PABPC1L: variants seen among roughly 807,000 people sequenced by gnomAD.
PABPC1L encodes polyadenylate-binding protein 1-like.
In PABPC1L, 31 loss-of-function variants were observed where a neutral mutation model predicts 66.6. The observed-to-expected ratio is 0.47, with a 90% CI of 0.35 to 0.63. The LOEUF (loss-of-function observed/expected upper bound fraction) is 0.63, where lower values mean the gene tolerates loss of function less well. Among genes scored for constraint, PABPC1L ranks in the 20% least tolerant of loss-of-function variants. PABPC1L has a pLI of 0.00. For synonymous variants in PABPC1L, 348 were observed against 335.1 expected (o/e 1.04, Z -0.42); for missense variants, 722 against 848.8 (o/e 0.85, Z 1.86).
chr20:44,938,523 T>A (rs2066919214), intron 13 of PABPC1L, 151 bp from the exon 14 acceptor site: 2 of 890,552 alleles, frequency 2.2e-6, no homozygotes, highest in Non-Finnish European at 3.4e-6. Context: ...CATGGGATCT[T>A]GCAAGCAGTG....
At chr20:44,934,865 C>T (rs1029494823) in intron 10 of PABPC1L, among the ~76,000 whole-genome samples, 2 of 152,054 alleles carry the variant, frequency 1.3e-5, no homozygotes, top group Admixed American at 6.5e-5. Flanking sequence ...GTCAGGAGTT[C>T]GAAACCAGCC....
chr20:44,910,326 G>C lies in PABPC1L; in HGVS notation c.183G>C (p.Gln61His). The C allele has an allele frequency of 6.6e-7, 1 of 1,511,930 alleles. No homozygotes were observed. Among genetic ancestry groups the C allele is most frequent in the Non-Finnish European group, 8.9e-7 (1 of 1,122,510 alleles). 93.7% of individuals were successfully genotyped at this position (1,511,930 alleles called of 1,614,324 possible). The part of the protein sequence containing the change: ...SLGYAYINFQ[Q>H]PADAERALDT... ...GCTACGCCTACATCAACTTCCAGCA[G>C]CCCGCGGACGGTGAGCCCCGGGGAT... Residue 61 changes from glutamine to histidine, a missense_variant, in exon 1 of 15, where the codon CAG becomes CAC. Physicochemically the swap from Gln to His is conservative, Grantham distance 24 (BLOSUM62 0). Coordinates refer to ENST00000217073, the MANE Select transcript of PABPC1L (RefSeq NM_001372179.1).
intron 9 of PABPC1L, chr20:44,932,669 A>T: frequency 1.9e-6 from 1 of 519,890 alleles, no homozygotes; most frequent in East Asian, 3.0e-5. Context: ...ATCACCAAAG[A>T]TGCCTCTGAT....
At chr20:44,924,316 C>T in intron 7 of PABPC1L, 60 bp downstream of exon 7, 1 of 1,288,142 alleles carries the variant, frequency 7.8e-7, no homozygotes, top group Non-Finnish European at 1.1e-6. Context: ...ACCACCATCC[C>T]CCCACAACCC....
intron 5 of PABPC1L, among the ~76,000 whole-genome samples, chr20:44,920,887 A>C (rs2066767931): frequency 6.6e-6 from 1 of 151,952 alleles, no homozygotes; most frequent in Non-Finnish European, 1.5e-5. Flanking sequence ...ATCTCAGCTC[A>C]CTGCAACCTC....
chr20:44,922,571 A>G (rs997930917), intron 6 of PABPC1L, among the ~76,000 whole-genome samples: 12 of 151,964 alleles, frequency 7.9e-5, no homozygotes, highest in Non-Finnish European at 1.8e-4. Flanking sequence ...GGAGTTCATC[A>G]TATTGGTCAG....
At chr20:44,932,753 C>T in intron 9 of PABPC1L, 1 of 494,510 alleles carries the variant, frequency 2.0e-6, no homozygotes, top group South Asian at 3.0e-5. Context: ...AAAGGCCCTC[C>T]TCTGTAAGAG....
intron 12 of PABPC1L, 42 bp downstream of exon 12, chr20:44,936,772 G>A (rs748559414): frequency 3.3e-5 from 51 of 1,563,502 alleles, no homozygotes; most frequent in Non-Finnish European, 3.8e-5. Context: ...GAAGAGGAGG[G>A]CTGCGAGCTG....
At chr20:44,916,069 T>C (rs1771005300) in intron 2 of PABPC1L, among the ~76,000 whole-genome samples, 3 of 152,068 alleles carry the variant, frequency 2.0e-5, no homozygotes, top group Non-Finnish European at 4.4e-5. Context: ...ACTGTGCACA[T>C]ACAGTAGACT....
chr20:44,934,932 G>A (rs1284676159), intron 10 of PABPC1L, among the ~76,000 whole-genome samples: 1 of 152,132 alleles, frequency 6.6e-6, no homozygotes, highest in Admixed American at 6.5e-5. Context: ...GCCGGACGTG[G>A]TGGCATGTGC....
intron 7 of PABPC1L, among the ~76,000 whole-genome samples, chr20:44,928,042 G>A (rs2060631881): frequency 6.6e-6 from 1 of 152,096 alleles, no homozygotes; most frequent in Admixed American, 6.6e-5. Flanking sequence ...ATACTAAAGT[G>A]AAAGCAGTAT....
intron 6 of PABPC1L, 46 bp downstream of exon 6, chr20:44,921,777 C>T: frequency 6.2e-7 from 1 of 1,608,552 alleles, no homozygotes; most frequent in African/African-American, 1.3e-5. Context: ...GTGAGAGCAG[C>T]TGTGTGTCGG....
chr20:44,938,549 C>T, intron 13 of PABPC1L, 125 bp from the exon 14 acceptor site: 1 of 1,131,640 alleles, frequency 8.8e-7, no homozygotes, highest in Non-Finnish European at 1.3e-6. Context: ...TGGGAGGGTT[C>T]CACAGAAACC....
At chr20:44,922,976 C>T (rs970938020) in intron 6 of PABPC1L, among the ~76,000 whole-genome samples, 2 of 152,256 alleles carry the variant, frequency 1.3e-5, no homozygotes, top group African/African-American at 2.4e-5. Context: ...CATACATCCT[C>T]TTGTGTACAT....
Position 44,930,601 on chromosome 20 carries a change from G to A in PABPC1L, c.1114G>A (p.Glu372Lys), listed in dbSNP as rs756904215. The A allele has an allele frequency of 1.9e-6, 3 of 1,614,258 alleles. No homozygotes were observed. The highest frequency in any genetic ancestry group is 8.5e-7 in the Non-Finnish European group (1 of 1,180,050). ...PLYVALAQRK[E>K]ERKAILTNQY... ...CTACGTGGCACTGGCCCAGCGCAAA[G>A]AGGAGCGGAAGGCCATCTTGACCAA... The change falls in exon 8 of 15, where the codon GAG becomes AAG. Residue 372 changes from glutamate to lysine, a missense_variant. Transcript: ENST00000217073.
At chr20:44,921,826 T>C in intron 6 of PABPC1L, 95 bp downstream of exon 6, 1 of 1,560,226 alleles carries the variant, frequency 6.4e-7, no homozygotes, top group Non-Finnish European at 8.7e-7. Context: ...GTGATCCTAC[T>C]TCTGGGCACT....
intron 13 of PABPC1L, 81 bp downstream of exon 13, chr20:44,938,272 G>A: frequency 6.6e-7 from 1 of 1,519,546 alleles, no homozygotes. Flanking sequence ...TGGAGCCAGT[G>A]GATAGCTGTT....
intron 7 of PABPC1L, among the ~76,000 whole-genome samples, chr20:44,925,090 A>G (rs1279327748): frequency 6.9e-6 from 1 of 144,954 alleles, no homozygotes; most frequent in East Asian, 1.9e-4. Flanking sequence ...GCACGTGCCT[A>G]TAGTCCCAGG....
intron 5 of PABPC1L, 36 bp from the exon 6 acceptor site, chr20:44,921,558 G>A (rs1031810841): frequency 6.8e-6 from 11 of 1,611,088 alleles, no homozygotes; most frequent in South Asian, 2.2e-5. Context: ...CCACATCTGA[G>A]TGGTTACCAA....
Sources: gnomAD v4.1 joint callset for allele counts (sites outside exome capture counted in the v4.1 genomes callset) on GRCh38, gnomAD v4.1.1 for gene constraint, MANE v1.5 for transcripts, NCBI Gene and HGNC (gene_info 2026-07-23, HGNC 2026-07-21) for gene names.